Variants in POMC observed in about 807,000 individuals in gnomAD.
The protein encoded by POMC is pro-opiomelanocortin.
POMC carries 19 observed loss-of-function variants against 18.5 expected under a neutral mutation model. The ratio of observed to expected loss-of-function variants is 1.03; its 90% CI spans 0.72 to 1.51. The LOEUF (loss-of-function observed/expected upper bound fraction) is 1.51, where lower values mean the gene tolerates loss of function less well. Ranked by LOEUF, POMC falls within the 40% of genes most tolerant of loss-of-function variation. The pLI, the probability that POMC is intolerant of heterozygous loss-of-function variation, is 0.00. For synonymous variants in POMC, 179 were observed against 161.9 expected (o/e 1.11, Z -0.80); for missense variants, 451 against 379.0 (o/e 1.19, Z -1.58).
In POMC at chr2:25,160,916, G is replaced by T; in HGVS notation, c.*165C>A. On this transcript the variant is annotated 3_prime_UTR_variant, in exon 3 of 3. Transcript: ENST00000395826. ...ACAGTTTACATTCAAAGTCAGAGGT[G>T]GATGTGAAATTTGAAAGGTTTTATT... is the stretch of plus-strand genomic sequence containing the variant. 9.1e-7 allele frequency: 1 copy of T among 1,100,364 alleles called. No homozygotes were observed. Among genetic ancestry groups the T allele is most frequent in the Non-Finnish European group, 1.3e-6 (1 of 789,878 alleles). The allele number at this position is 1,100,364 out of a possible 1,614,324, so 68.2% of individuals were successfully genotyped here. A position where few individuals can be genotyped will look rare whatever the true frequency, so the allele number is the denominator to read the frequency against.
chr2:25,166,489 T>C (rs1671560458), intron 1 of POMC, among the ~76,000 whole-genome samples: 2 of 152,234 alleles, frequency 1.3e-5, no homozygotes, highest in Non-Finnish European at 2.9e-5. Context: ...GTTACGTATG[T>C]CACCAAATGC....
intron 2 of POMC, among the ~76,000 whole-genome samples, chr2:25,163,556 C>T (rs536026221): frequency 6.6e-6 from 1 of 152,364 alleles, no homozygotes; most frequent in African/African-American, 2.4e-5. Context: ...ATTCCACCCT[C>T]AGCACCTGCC....
At position 25,161,550 on chromosome 2, in the gene POMC, T is replaced by C; in HGVS notation, c.335A>G (p.Asp112Gly). 6.3e-7 allele frequency: 1 copy of C among 1,575,504 alleles called. No homozygotes were observed. The highest frequency in any genetic ancestry group is 8.6e-7 in the Non-Finnish European group (1 of 1,161,024). ...QKREDVSAGE[D>G]CGPLPEGGPE... ...GCCGCCCTCAGGCAGCGGGCCGCAG[T>C]CTTCGCCCGCTGAGACGTCCTCGCG... Residue 112 changes from aspartate (D) to glycine (G), a missense_variant, in exon 3 of 3, where the codon GAC becomes GGC. Coordinates refer to ENST00000395826, the MANE Select transcript of POMC (RefSeq NM_000939.4). This position sits in a 1 kb window ranked among gnomAD's most constrained non-coding sequence, Gnocchi z 5.7.
rs1243937295 is a variant in POMC at position 25,161,555 on chromosome 2, G to A, written c.330C>T (p.Gly110=). The A allele has an allele frequency of 1.3e-6, 2 of 1,573,676 alleles. No homozygotes were observed. Among genetic ancestry groups the A allele is most frequent in the Non-Finnish European group, 1.7e-6 (2 of 1,159,678 alleles). ...AGQKREDVSA[G]EDCGPLPEGG... is the part of the protein sequence containing the mutation. ...CCTCAGGCAGCGGGCCGCAGTCTTCGCCCGCTGAGACGTCCTCGCGCTTCT... is the reference window on the plus strand; with the variant it reads ...CCTCAGGCAGCGGGCCGCAGTCTTCACCCGCTGAGACGTCCTCGCGCTTCT... The change falls in exon 3 of 3, where the codon GGC becomes GGT. Residue 110 remains glycine (G), a synonymous_variant. Transcript: ENST00000395826. The surrounding 1 kb of genome is among the most constrained non-coding windows in gnomAD (Gnocchi z 5.7).
In POMC at chr2:25,161,793, G is replaced by T; in HGVS notation, c.133-41C>A. The T allele has an allele frequency of 6.5e-7, 1 of 1,548,096 alleles. No individual in the cohort carries two copies. ...AGGGCATGAGGGCAGCCCGTGCCCC[G>T]CACCCCGGCCCGGCTGCCGCGCCCG... On this transcript the variant is annotated intron_variant, in intron 2 of 2. Coordinates refer to ENST00000395826, the MANE Select transcript of POMC (RefSeq NM_000939.4). This position sits in a 1 kb window ranked among gnomAD's most constrained non-coding sequence, Gnocchi z 5.7.
chr2:25,164,918 A>G (rs1358606224), intron 1 of POMC, 126 bp from the exon 2 acceptor site: 1 of 1,019,980 alleles, frequency 9.8e-7, no homozygotes, highest in Non-Finnish European at 1.5e-6. Context: ...CATTTTAAGG[A>G]CAGCAGCAAT....
chr2:25,166,246 G>GT (rs1671549251), intron 1 of POMC, among the ~76,000 whole-genome samples: 1 of 152,246 alleles, frequency 6.6e-6, no homozygotes, highest in Admixed American at 6.5e-5. Context: ...CTGGCAGCCA[G>GT]TGACTGGCCC....
intron 1 of POMC, among the ~76,000 whole-genome samples, chr2:25,167,439 C>CAG (rs1671593035): frequency 6.6e-6 from 1 of 152,224 alleles, no homozygotes; most frequent in Non-Finnish European, 1.5e-5. Flanking sequence ...GAGCCTTGAT[C>CAG]ATTCCAAATG....
intron 2 of POMC, among the ~76,000 whole-genome samples, chr2:25,162,014 A>T (rs1671411314): frequency 6.6e-6 from 1 of 151,864 alleles, no homozygotes; most frequent in Non-Finnish European, 1.5e-5. Context: ...ACTGCAACAC[A>T]CTTCCCATCC....
chr2:25,166,592 T>A (rs1671562754), intron 1 of POMC, among the ~76,000 whole-genome samples: 1 of 152,242 alleles, frequency 6.6e-6, no homozygotes, highest in Non-Finnish European at 1.5e-5. Context: ...CAAAGATAAC[T>A]ACTCTGGAGT....
chr2:25,164,820 C>T (rs1388296825), intron 1 of POMC, 28 bp from the exon 2 acceptor site: 1 of 1,611,500 alleles, frequency 6.2e-7, no homozygotes. Flanking sequence ...ATTGGTGGGA[C>T]CCCTGCAAGG....
chr2:25,161,147 G>T lies in POMC; in HGVS notation c.738C>A (p.Ser246Arg). ...TGAACAGCGTCACCAGGGGCGTCTG[G>T]CTCTTCTCGGAGGTCATGAAACCGC... ...RYGGFMTSEK[S>R]QTPLVTLFKN... is the part of the protein sequence containing the mutation. Residue 246 changes from serine to arginine, a missense_variant, in exon 3 of 3, where the codon AGC (serine) becomes AGA (arginine). Transcript: ENST00000395826. The surrounding 1 kb of genome is among the most constrained non-coding windows in gnomAD (Gnocchi z 5.7). 4 of 1,613,914 alleles carry T rather than the reference G, an allele frequency of 2.5e-6. No homozygotes were observed. Among genetic ancestry groups the T allele is most frequent in the Non-Finnish European group, 3.4e-6 (4 of 1,180,004 alleles).
chr2:25,161,334 C>A lies in POMC; in HGVS notation c.551G>T (p.Arg184Leu). The A allele has an allele frequency of 1.2e-6, 2 of 1,606,050 alleles. No homozygotes were observed. Reference protein sequence around the residue: ...LEFKRELTGQRLREGDGPDGP... With the variant: ...LEFKRELTGQLLREGDGPDGP... The stretch of plus-strand genomic sequence containing the variant: ...GTCGGGGCCATCTCCCTCCCGGAGT[C>A]GCTGGCCAGTCAGCTCCCTCTTGAA... The change falls in exon 3 of 3, where the codon CGA becomes CTA. Residue 184 changes from arginine (R) to leucine (L), a missense_variant. By Grantham distance (102) the Arg-to-Leu change is moderately radical (BLOSUM62 -2). Transcript: ENST00000395826. This position sits in a 1 kb window ranked among gnomAD's most constrained non-coding sequence, Gnocchi z 5.7.
In POMC at chr2:25,161,087, G is replaced by A. The variant is rs752878924; in HGVS notation, c.798C>T (p.Gly266=). ...CTGGGGCCCCGCTGTGCCCTCACTC[G>A]CCCTTCTTGTAGGCGTTCTTGATGA... The part of the protein sequence containing the change: ...NAIIKNAYKK[G]E The change falls in exon 3 of 3, where the codon GGC becomes GGT. Residue 266 remains glycine, a synonymous_variant. Coordinates refer to ENST00000395826, the MANE Select transcript of POMC (RefSeq NM_000939.4). The surrounding 1 kb of genome is among the most constrained non-coding windows in gnomAD (Gnocchi z 5.7). The A allele has an allele frequency of 1.9e-6, 3 of 1,614,066 alleles. No homozygotes were observed. In the South Asian group the frequency reaches 3.3e-5, roughly 18 times the overall value.
intron 1 of POMC, 28 bp from the exon 2 acceptor site, chr2:25,164,820 C>G: frequency 6.2e-7 from 1 of 1,611,500 alleles, no homozygotes; most frequent in Non-Finnish European, 8.5e-7. Flanking sequence ...ATTGGTGGGA[C>G]CCCTGCAAGG....
At chr2:25,162,460 A>AAAAT (rs1037634045) in intron 2 of POMC, among the ~76,000 whole-genome samples, 7 of 152,142 alleles carry the variant, frequency 4.6e-5, no homozygotes, top group Non-Finnish European at 1.0e-4. Context: ...CCGTCTCAAA[A>AAAAT]AAATAAATAA....
chr2:25,161,599 C>CGCT lies in POMC; in HGVS notation c.283_285dup (p.Ser95dup), dbSNP rs756169657. 4 of 1,556,724 alleles carry CGCT rather than the reference C, an allele frequency of 2.6e-6. No homozygotes were observed. The African/African-American group carries it at 4.1e-5, about 16-fold the overall frequency. ...CGCTTCTGCCCTGCGCCGCTGCTGC[C>CGCT]GCTGCTGCTGCTGTTGCGGCGGCCG... On this transcript the variant is annotated inframe_insertion, in exon 3 of 3. Transcript: ENST00000395826. The surrounding 1 kb of genome is among the most constrained non-coding windows in gnomAD (Gnocchi z 5.7).
rs374434212 is a variant in POMC, at chr2:25,161,458, G to A, written c.427C>T (p.His143Tyr). The A allele has an allele frequency of 4.2e-5, 67 of 1,609,766 alleles. 1 individual carries two copies. Among genetic ancestry groups the A allele is most frequent in the Non-Finnish European group, 1.2e-5 (14 of 1,179,128 alleles). Reference protein sequence around the residue: ...REGKRSYSMEHFRWGKPVGKK... With the variant: ...REGKRSYSMEYFRWGKPVGKK... ...CCCACCGGCTTGCCCCAGCGGAAGT[G>A]CTCCATGGAGTAGGAGCGCTTGCCC... Residue 143 changes from histidine to tyrosine, a missense_variant, in exon 3 of 3, where the codon CAC becomes TAC. His to Tyr is a moderately conservative substitution (Grantham distance 83, BLOSUM62 2). Transcript: ENST00000395826. The surrounding 1 kb of genome is among the most constrained non-coding windows in gnomAD (Gnocchi z 5.7).
Position 25,161,011 on chromosome 2 carries a change from G to A in POMC, c.*70C>T, listed in dbSNP as rs11679531. On this transcript the variant is annotated 3_prime_UTR_variant, in exon 3 of 3. Coordinates refer to ENST00000395826, the MANE Select transcript of POMC (RefSeq NM_000939.4). This position sits in a 1 kb window ranked among gnomAD's most constrained non-coding sequence, Gnocchi z 5.7. ...CCCCCAGGCTGGGAGGCGGCAGCAG[G>A]GCAGGGGAGAGCAAGGGGCTTTGGG... 6.2e-7 allele frequency: 1 copy of A among 1,606,544 alleles called. No individual in the cohort carries two copies. The highest frequency in any genetic ancestry group is 8.5e-7 in the Non-Finnish European group (1 of 1,177,146).
Sources: gnomAD v4.1 joint callset for allele counts (sites outside exome capture counted in the v4.1 genomes callset) on GRCh38, gnomAD v4.1.1 for gene constraint, Gnocchi (gnomAD v3.1) non-coding constraint, MANE v1.5 for transcripts, NCBI Gene and HGNC (gene_info 2026-07-23, HGNC 2026-07-21) for gene names.